Variants in APOBEC3B observed in about 807,000 individuals in gnomAD.
APOBEC3B encodes apolipoprotein B mRNA editing enzyme catalytic subunit 3B, also known as DNA dC->dU-editing enzyme APOBEC-3B.
Under a neutral mutation model 53.4 loss-of-function variants are expected in APOBEC3B, and 29 were observed. That is an observed-to-expected ratio of 0.54 (90% CI 0.40 to 0.74). APOBEC3B has a LOEUF of 0.74. APOBEC3B is among the 30% of genes least tolerant of loss of function. The pLI is 0.00. For missense variants in APOBEC3B, 347 were observed against 496.2 expected, an observed-to-expected ratio of 0.70 and a Z score of 2.86; for synonymous variants, 132 against 184.8, an observed-to-expected ratio of 0.71 and a Z score of 2.32.
intron 1 of APOBEC3B, among the ~76,000 whole-genome samples, chr22:38,982,993 G>C (rs1195167791): frequency 1.3e-5 from 2 of 148,508 alleles, no homozygotes; most frequent in Non-Finnish European, 3.0e-5. Context: ...CCCCAGACAG[G>C]TTCCACTCCA....
intron 4 of APOBEC3B, among the ~76,000 whole-genome samples, chr22:38,988,683 C>CTCTCTTTCTCTCTCTCTCTCTT (rs1555894372): frequency 4.2e-5 from 2 of 47,512 alleles, no homozygotes; most frequent in Non-Finnish European, 7.7e-5. Flanking sequence ...TTCTCTCTTT[C>CTCTCTTTCTCTCTCTCTCTCTT]TCTTTCTTTC....
chr22:38,989,147 AG>A lies in APOBEC3B; in HGVS notation c.570-308del, dbSNP rs1490282062. Among the ~76,000 whole-genome samples, 12 of 147,962 alleles carry A rather than the reference AG, an allele frequency of 8.1e-5. 1 individual carries two copies. Among genetic ancestry groups the A allele is most frequent in the African/African-American group, 2.9e-4 (12 of 40,726 alleles). On this transcript the variant is annotated intron_variant, in intron 4 of 7. Coordinates refer to ENST00000333467, the MANE Select transcript of APOBEC3B (RefSeq NM_004900.5). The stretch of plus-strand genomic sequence containing the variant: ...CAGGGGTGCATGGTGAGGCCAGGGA[AG>A]GAGACCCAGCTCTACCCCAGGGAGA...
In APOBEC3B at chr22:38,986,452, A is replaced by ACCT. The variant is rs1569038018; in HGVS notation, c.569+41_569+43dup. 2.5e-6 allele frequency: 4 copies of ACCT among 1,578,010 alleles called. 1 individual carries two copies. The highest frequency in any genetic ancestry group is 3.6e-5 in the Admixed American group (2 of 55,416). ...CTGGCCTCATCATCTCTCTCCTCTC[A>ACCT]CCTGCTCATCCTCCTGAGGCCTCCG... On this transcript the variant is annotated intron_variant, in intron 4 of 7. Coordinates refer to ENST00000333467, the MANE Select transcript of APOBEC3B (RefSeq NM_004900.5).
intron 2 of APOBEC3B, among the ~76,000 whole-genome samples, chr22:38,985,530 A>G (rs147997006): frequency 4.7e-5 from 7 of 148,504 alleles, no homozygotes; most frequent in Non-Finnish European, 1.0e-4. Context: ...GGCTGAAGTC[A>G]CCCTTGAATA....
At chr22:38,988,683 C>CTCTCTTTCTCTCTCTCTTTCTTTCTT (rs1555894372) in intron 4 of APOBEC3B, among the ~76,000 whole-genome samples, 8 of 47,514 alleles carry the variant, frequency 1.7e-4, no homozygotes, top group East Asian at 1.6e-3. Context: ...TTCTCTCTTT[C>CTCTCTTTCTCTCTCTCTTTCTTTCTT]TCTTTCTTTC....
chr22:38,988,705 C>CTCTCTTTCTCTT (rs1923854822), intron 4 of APOBEC3B, among the ~76,000 whole-genome samples: 3 of 124,936 alleles, frequency 2.4e-5, no homozygotes, highest in African/African-American at 9.3e-5. Flanking sequence ...TTCTTTCTTT[C>CTCTCTTTCTCTT]TTTCTTTCTT....
chr22:38,987,128 A>G (rs962879814), intron 4 of APOBEC3B, among the ~76,000 whole-genome samples: 4 of 148,910 alleles, frequency 2.7e-5, no homozygotes, highest in African/African-American at 9.8e-5. Flanking sequence ...ACCCAGGACT[A>G]ACATCAGGGC....
At chr22:38,983,997 CTG>C in intron 1 of APOBEC3B, 76 bp from the exon 2 acceptor site, 1 of 1,492,104 alleles carries the variant, frequency 6.7e-7, no homozygotes. Context: ...ATCCTGGGAG[CTG>C]TGTTCAGTGG....
rs1258558990 is a variant in APOBEC3B at position 38,985,964 on chromosome 22, T to C, written c.327T>C (p.Ser109=). The change falls in exon 3 of 8, where the codon TCT becomes TCC. Residue 109 remains serine, a synonymous_variant. Coordinates refer to ENST00000333467, the MANE Select transcript of APOBEC3B (RefSeq NM_004900.5). The part of the protein sequence containing the change: ...DCVAKLAEFL[S]EHPNVTLTIS... ...TGGCGAAGCTGGCCGAATTCCTGTC[T>C]GAGCACCCCAATGTCACCCTGACCA... The C allele has an allele frequency of 1.9e-6, 3 of 1,601,276 alleles. 1 individual carries two copies. In the African/African-American group the frequency reaches 4.1e-5, roughly 22 times the overall value.
In APOBEC3B at chr22:38,986,352, C is replaced by A. The variant is rs1923739874; in HGVS notation, c.509C>A (p.Pro170His). 1.3e-6 allele frequency: 2 copies of A among 1,593,898 alleles called. No individual in the cohort carries two copies. Among genetic ancestry groups the A allele is most frequent in the Non-Finnish European group, 1.7e-6 (2 of 1,172,682 alleles). The change falls in exon 4 of 8, where the codon CCT becomes CAT. Residue 170 changes from proline (P) to histidine (H), a missense_variant. Coordinates refer to ENST00000333467, the MANE Select transcript of APOBEC3B (RefSeq NM_004900.5). The part of the protein sequence containing the change: ...FVYNEGQQFM[P>H]WYKFDENYAF... Reference sequence around the variant, plus strand: ...TACAATGAAGGTCAGCAATTCATGCCTTGGTACAAATTCGATGAAAATTAT... The same window carrying A: ...TACAATGAAGGTCAGCAATTCATGCATTGGTACAAATTCGATGAAAATTAT...
intron 2 of APOBEC3B, among the ~76,000 whole-genome samples, chr22:38,984,610 T>C (rs1923662389): frequency 6.7e-6 from 1 of 148,570 alleles, no homozygotes; most frequent in Non-Finnish European, 1.5e-5. Context: ...GAATTTGTCT[T>C]TTTTTTAAAA....
chr22:38,985,715 C>T, intron 2 of APOBEC3B, 97 bp from the exon 3 acceptor site: 6 of 1,067,328 alleles, frequency 5.6e-6, no homozygotes, highest in Non-Finnish European at 7.9e-6. Context: ...GCAAGATCCC[C>T]TGGGCTCCTG....
Position 38,989,671 on chromosome 22 carries a change from T to G in APOBEC3B, c.723+61T>G. On this transcript the variant is annotated intron_variant, in intron 5 of 7. Transcript: ENST00000333467. ...CTCCCAATCCAGGGACACTCATAGA[T>G]AGAAGGTTCTGGGTGGTGCCTGTGG... The G allele has an allele frequency of 5.5e-6, 8 of 1,457,636 alleles. 1 individual carries two copies. The allele number at this position is 1,457,636 out of a possible 1,614,324, so 90.3% of individuals were successfully genotyped here.
At position 38,992,611 on chromosome 22, in the gene APOBEC3B, G is replaced by A; in HGVS notation, c.*166G>A. The A allele has an allele frequency of 7.9e-6, 12 of 1,511,710 alleles. No homozygotes were observed. The highest frequency in any genetic ancestry group is 1.1e-5 in the Non-Finnish European group (12 of 1,126,362). The allele number at this position is 1,511,710 out of a possible 1,614,324, so 93.6% of individuals were successfully genotyped here. A position where few individuals can be genotyped will look rare whatever the true frequency, so the allele number is the denominator to read the frequency against. ...TCAAGTAGATTTTTTAAAAATCAGA[G>A]TCAATTAATTTTAATTGAAAATTTC... On this transcript the variant is annotated 3_prime_UTR_variant, in exon 8 of 8. Transcript: ENST00000333467.
rs1923613258 is a variant in APOBEC3B, at chr22:38,983,506, T to A, written c.18-569T>A. On this transcript the variant is annotated intron_variant, in intron 1 of 7. Transcript: ENST00000333467. ...GGCCTGGAAAGGGGCCCCTGCTCCA[T>A]CCGTCCCCAGCTCTGTGGCCTCGGC... is the stretch of plus-strand genomic sequence containing the variant. Among the ~76,000 whole-genome samples, 3 of 148,358 alleles carry A rather than the reference T, an allele frequency of 2.0e-5. No homozygotes were observed. The South Asian group carries it at 6.6e-4, about 33-fold the overall frequency.
chr22:38,992,247 G>T (rs1468783767), intron 7 of APOBEC3B, 98 bp downstream of exon 7: 3 of 1,545,960 alleles, frequency 1.9e-6, no homozygotes, highest in Non-Finnish European at 2.6e-6. Flanking sequence ...CCTCCTCTGG[G>T]TTCCCTGCTC....
At chr22:38,983,306 A>C (rs539666948) in intron 1 of APOBEC3B, among the ~76,000 whole-genome samples, 12 of 147,364 alleles carry the variant, frequency 8.1e-5, no homozygotes, top group African/African-American at 2.7e-4. Context: ...CGACAGAGTG[A>C]GACTTCATCA....
chr22:38,983,999 G>A (rs1266500620), intron 1 of APOBEC3B, 76 bp from the exon 2 acceptor site: 1 of 1,499,850 alleles, frequency 6.7e-7, no homozygotes, highest in Admixed American at 2.2e-5. Flanking sequence ...CCTGGGAGCT[G>A]TGTTCAGTGG....
chr22:38,986,454 C>T lies in APOBEC3B; in HGVS notation c.569+42C>T, dbSNP rs756583075. 2.5e-6 allele frequency: 4 copies of T among 1,577,582 alleles called. 2 individuals are homozygous for T. Among genetic ancestry groups the T allele is most frequent in the East Asian group, 5.0e-5 (2 of 39,966 alleles). ...GGCCTCATCATCTCTCTCCTCTCAC[C>T]TGCTCATCCTCCTGAGGCCTCCGTT... On this transcript the variant is annotated intron_variant, in intron 4 of 7. Transcript: ENST00000333467.
Sources: gnomAD v4.1 joint callset for allele counts (sites outside exome capture counted in the v4.1 genomes callset) on GRCh38, gnomAD v4.1.1 for gene constraint, MANE v1.5 for transcripts, NCBI Gene and HGNC (gene_info 2026-07-23, HGNC 2026-07-21) for gene names.